Variants in WWOX observed in about 807,000 individuals in gnomAD.
The protein encoded by WWOX is WW domain containing oxidoreductase.
Under a neutral mutation model 46.2 loss-of-function variants are expected in WWOX, and 69 were observed. The ratio of observed to expected loss-of-function variants is 1.49; its 90% CI spans 1.23 to 1.82. The LOEUF is 1.82. WWOX is among the 40% of genes most tolerant of loss of function. The pLI, the probability that WWOX is intolerant of heterozygous loss-of-function variation, is 0.00. For synonymous variants in WWOX, 359 were observed against 202.6 expected (o/e 1.77, Z -6.56); for missense variants, 919 against 542.6 (o/e 1.69, Z -6.89).
intron 4 of WWOX, among the ~76,000 whole-genome samples, chr16:78,150,435 A>G (rs776415347): frequency 4.6e-5 from 7 of 152,026 alleles, no homozygotes; most frequent in African/African-American, 1.7e-4. Flanking sequence ...CAGTGGTGCA[A>G]TTATGCAATC....
intron 8 of WWOX, among the ~76,000 whole-genome samples, chr16:78,824,315 A>T (rs1431032615): frequency 6.6e-6 from 1 of 152,158 alleles, no homozygotes; most frequent in East Asian, 1.9e-4. Flanking sequence ...ATTGACTCAA[A>T]TGTGTGATTG....
chr16:78,402,387 A>G (rs2082434328), intron 6 of WWOX, among the ~76,000 whole-genome samples: 1 of 152,150 alleles, frequency 6.6e-6, no homozygotes, highest in Non-Finnish European at 1.5e-5. Flanking sequence ...TCAGTCGGAT[A>G]TTTCTGTTGT....
intron 8 of WWOX, among the ~76,000 whole-genome samples, chr16:79,062,396 C>G (rs1291058085): frequency 6.6e-6 from 1 of 151,358 alleles, no homozygotes; most frequent in African/African-American, 2.4e-5. Flanking sequence ...GGATTTATTT[C>G]CATAGGGAAG....
intron 8 of WWOX, among the ~76,000 whole-genome samples, chr16:78,978,940 T>G (rs1432866931): frequency 2.0e-5 from 3 of 152,112 alleles, no homozygotes; most frequent in Non-Finnish European, 4.4e-5. Context: ...AGGTACATTT[T>G]GATGTCCCTC....
At chr16:79,146,854 G>T (rs1293969566) in intron 8 of WWOX, among the ~76,000 whole-genome samples, 1 of 152,130 alleles carries the variant, frequency 6.6e-6, no homozygotes. Context: ...GGTTTAAGGA[G>T]GTTGGAGGCA....
At chr16:79,038,126 G>C (rs978476723) in intron 8 of WWOX, among the ~76,000 whole-genome samples, 1 of 152,026 alleles carries the variant, frequency 6.6e-6, no homozygotes, top group African/African-American at 2.4e-5. Flanking sequence ...AGTTCAAAAG[G>C]ATCTGTCCCC....
At position 78,665,916 on chromosome 16, in the gene WWOX, T is replaced by A. The variant is rs546247152; in HGVS notation, c.1056+233164T>A. ...GCCAGGCTGGTCTTGAACTCCTGAC[T>A]TCAAGTGATCTGCCCACCTTGGCCT... On this transcript the variant is annotated intron_variant, in intron 8 of 8. Coordinates refer to ENST00000566780, the MANE Select transcript of WWOX (RefSeq NM_016373.4). Among the ~76,000 whole-genome samples the A allele has an allele frequency of 3.3e-5, 5 of 151,990 alleles. No individual in the cohort carries two copies. The South Asian group carries it at 1.0e-3, about 32-fold the overall frequency.
chr16:78,927,687 A>T (rs1339753296), intron 8 of WWOX, among the ~76,000 whole-genome samples: 1 of 152,210 alleles, frequency 6.6e-6, no homozygotes, highest in Non-Finnish European at 1.5e-5. Flanking sequence ...AGACTTAATC[A>T]AGCACTTATT....
At chr16:78,889,187 G>A (rs1427948903) in intron 8 of WWOX, among the ~76,000 whole-genome samples, 1 of 152,138 alleles carries the variant, frequency 6.6e-6, no homozygotes, top group Non-Finnish European at 1.5e-5. Context: ...ACCAGGGATT[G>A]GCAAATGACA....
At chr16:79,190,391 C>T (rs1019230837) in intron 8 of WWOX, among the ~76,000 whole-genome samples, 3 of 152,082 alleles carry the variant, frequency 2.0e-5, no homozygotes, top group African/African-American at 7.2e-5. Flanking sequence ...TAGATTCCTG[C>T]CTAAGGTCTG....
intron 8 of WWOX, among the ~76,000 whole-genome samples, chr16:78,702,188 G>T (rs1597464335): frequency 6.8e-6 from 1 of 147,854 alleles, no homozygotes; most frequent in African/African-American, 2.5e-5. Context: ...GCCGAGGCAG[G>T]AGAGTCACTT....
intron 8 of WWOX, among the ~76,000 whole-genome samples, chr16:78,469,275 T>C (rs1171637116): frequency 6.6e-6 from 1 of 152,010 alleles, no homozygotes; most frequent in African/African-American, 2.4e-5. Flanking sequence ...TAAGAACTGG[T>C]ACTATGAAGA....
intron 8 of WWOX, among the ~76,000 whole-genome samples, chr16:78,666,371 C>T (rs1350611383): frequency 6.6e-6 from 1 of 152,158 alleles, no homozygotes; most frequent in Non-Finnish European, 1.5e-5. Flanking sequence ...TCCTTACTGC[C>T]ATCGGCATGC....
chr16:78,642,056 C>T (rs376550305), intron 8 of WWOX, among the ~76,000 whole-genome samples: 14 of 152,212 alleles, frequency 9.2e-5, no homozygotes, highest in African/African-American at 2.9e-4. Context: ...CACTTAAATA[C>T]TCCAGTACAT....
At chr16:79,152,065 C>T (rs12934230) in intron 8 of WWOX, among the ~76,000 whole-genome samples, 52,955 of 151,796 alleles carry the variant, frequency 0.35, 9,684 homozygotes, top group East Asian at 0.52. Flanking sequence ...CTTACCATAT[C>T]CCTTGTTAAA....
intron 8 of WWOX, among the ~76,000 whole-genome samples, chr16:79,090,519 A>C (rs1393289214): frequency 6.6e-6 from 1 of 152,170 alleles, no homozygotes; most frequent in Non-Finnish European, 1.5e-5. Context: ...GAAAGAAATC[A>C]AGACATGCAA....
In WWOX at chr16:78,360,585, C is replaced by CAAAAAAA. The variant is rs56382445; in HGVS notation, c.517-26267_517-26261dup. ...TGGGCGACAGAGTGAGACTCTGTCT[C>CAAAAAAA]AAAAAAAAAAAAAAGTTGCAGAAAT... On this transcript the variant is annotated intron_variant, in intron 5 of 8. Transcript: ENST00000566780. Among the ~76,000 whole-genome samples the CAAAAAAA allele has an allele frequency of 3.4e-4, 29 of 86,534 alleles. 1 individual carries two copies. Among genetic ancestry groups the CAAAAAAA allele is most frequent in the Non-Finnish European group, 5.6e-4 (25 of 44,602 alleles). 56.8% of individuals were successfully genotyped at this position (86,534 alleles called of 152,430 possible).
At chr16:78,314,298 C>T (rs892673033) in intron 5 of WWOX, among the ~76,000 whole-genome samples, 13 of 149,002 alleles carry the variant, frequency 8.7e-5, no homozygotes, top group East Asian at 4.2e-4. Flanking sequence ...CTCAGCTACT[C>T]GGGAGGCTGA....
intron 1 of WWOX, among the ~76,000 whole-genome samples, chr16:78,105,486 C>G (rs1319567546): frequency 2.0e-5 from 3 of 151,914 alleles, no homozygotes; most frequent in Admixed American, 6.6e-5. Flanking sequence ...TGATCCAGCC[C>G]CAAGTGCCAC....
Sources: allele counts gnomAD v4.1 joint callset (sites outside exome capture counted in the v4.1 genomes callset), GRCh38; gene constraint gnomAD v4.1.1; transcripts MANE v1.5; gene names NCBI Gene and HGNC (gene_info 2026-07-23, HGNC 2026-07-21).